DHX34: variants seen among roughly 807,000 people sequenced by gnomAD.
The protein encoded by DHX34 is DExH-box helicase 34, also known as probable ATP-dependent RNA helicase DHX34.
A neutral mutation model predicts 111.1 loss-of-function variants in DHX34; 96 were observed. That is an observed-to-expected ratio of 0.86 (90% confidence interval 0.73 to 1.02). DHX34 has a LOEUF of 1.02. Among genes scored for constraint, DHX34 ranks in the 50% least tolerant of loss-of-function variants. DHX34 has a pLI of 0.00. For missense variants in DHX34, 1,560 were observed against 1,579.9 expected (o/e 0.99, Z 0.21); for synonymous variants, 688 against 670.4 (o/e 1.03, Z -0.41).
At chr19:47,376,241 C>A in intron 11 of DHX34, 144 bp downstream of exon 11, 1 of 1,428,136 alleles carries the variant, frequency 7.0e-7, no homozygotes, top group Non-Finnish European at 9.2e-7. Context: ...AGGACAGACC[C>A]ATCCCCAGAC....
chr19:47,352,710 A>G (rs1969322912), intron 1 of DHX34, 44 bp from the exon 2 acceptor site: 1 of 297,344 alleles, frequency 3.4e-6, no homozygotes, highest in South Asian at 7.1e-5. Flanking sequence ...AAAAAAAGCA[A>G]TGTTCCCAAA....
chr19:47,355,225 C>A lies in DHX34; in HGVS notation c.892C>A (p.Leu298Met), dbSNP rs147061911. The A allele has an allele frequency of 1.2e-6, 2 of 1,614,090 alleles. No individual in the cohort carries two copies. Among genetic ancestry groups the A allele is most frequent in the African/African-American group, 2.7e-5 (2 of 74,930 alleles). ...TTTCCTCCTGGGCGTCCTCCAGCGCCTGTTGCCCACGCGGCCTGACCTCAA... is the reference window on the plus strand; with the variant it reads ...TTTCCTCCTGGGCGTCCTCCAGCGCATGTTGCCCACGCGGCCTGACCTCAA... The part of the protein sequence containing the change: ...NDFLLGVLQR[L>M]LPTRPDLKVI... The change falls in exon 3 of 17, where the codon CTG (leucine) becomes ATG (methionine). Residue 298 changes from leucine (L) to methionine (M), a missense_variant. Leu to Met is a conservative substitution (Grantham distance 15). Transcript: ENST00000328771.
rs755902975 is a variant in DHX34 at position 47,362,598 on chromosome 19, T to C, written c.1498T>C (p.Cys500Arg). Reference protein sequence around the residue: ...GRAGRTGPGVCFRLYAESDYD... With the variant: ...GRAGRTGPGVRFRLYAESDYD... ...GGCGGGCCGCACGGGCCCCGGAGTC[T>C]GCTTCCGCCTCTATGCCGAATCGGA... The change falls in exon 6 of 17, where the codon TGC becomes CGC. Residue 500 changes from cysteine (C) to arginine (R), a missense_variant. Transcript: ENST00000328771. The C allele has an allele frequency of 1.9e-6, 3 of 1,613,824 alleles. No individual in the cohort carries two copies. Among genetic ancestry groups the C allele is most frequent in the Non-Finnish European group, 8.5e-7 (1 of 1,180,004 alleles).
intron 11 of DHX34, 121 bp downstream of exon 11, chr19:47,376,218 A>G: frequency 1.4e-6 from 2 of 1,446,630 alleles, no homozygotes; most frequent in Non-Finnish European, 1.8e-6. Context: ...CATGGGGCTC[A>G]CAACCCAGTG....
Position 47,381,254 on chromosome 19 carries a change from G to T in DHX34, c.3228G>T (p.Ala1076=), listed in dbSNP as rs745592252. ...FWTCPHCGLH[A]PLTPLERIAH... ...CCTGCCCCCACTGTGGCCTGCATGC[G>T]CCCCTCACGCCCCTGGAGCGCATCG... The change falls in exon 16 of 17, where the codon GCG becomes GCT. Residue 1076 remains alanine, a synonymous_variant. Transcript: ENST00000328771. 3 of 1,614,052 alleles carry T rather than the reference G, an allele frequency of 1.9e-6. No homozygotes were observed. Among genetic ancestry groups the T allele is most frequent in the South Asian group, 2.2e-5 (2 of 91,088 alleles).
chr19:47,367,035 C>G lies in DHX34; in HGVS notation c.1648C>G (p.Pro550Ala). 6.2e-7 allele frequency: 1 copy of G among 1,604,524 alleles called. No homozygotes were observed. Among genetic ancestry groups the G allele is most frequent in the Non-Finnish European group, 8.5e-7 (1 of 1,175,052 alleles). The change falls in exon 7 of 17, where the codon CCA (proline) becomes GCA (alanine). Residue 550 changes from proline (P) to alanine (A), a missense_variant. Coordinates refer to ENST00000328771, the MANE Select transcript of DHX34 (RefSeq NM_014681.6). ...PRTFPFIEPP[P>A]PASLETAILY... is the part of the protein sequence containing the mutation. ...AACCTTCCCCTTCATCGAGCCCCCA[C>G]CACCAGCCAGCCTGGAAACCGCCAT... is the stretch of plus-strand genomic sequence containing the variant.
intron 9 of DHX34, 67 bp from the exon 10 acceptor site, chr19:47,375,399 C>T: frequency 1.4e-6 from 2 of 1,474,202 alleles, no homozygotes; most frequent in South Asian, 1.4e-5. Flanking sequence ...GGAGGGTCCC[C>T]ATTTCCATGA....
chr19:47,357,844 A>C (rs775436190), intron 3 of DHX34, 22 bp from the exon 4 acceptor site: 4 of 1,604,034 alleles, frequency 2.5e-6, no homozygotes, highest in East Asian at 2.2e-5. Context: ...GTGTGCTTCT[A>C]CCTGGGGCTG....
Position 47,355,090 on chromosome 19 carries a change from G to A in DHX34, c.757G>A (p.Val253Ile). The A allele has an allele frequency of 6.2e-7, 1 of 1,614,000 alleles. No individual in the cohort carries two copies. Among genetic ancestry groups the A allele is most frequent in the Non-Finnish European group, 8.5e-7 (1 of 1,179,994 alleles). ...ESTRSAATKI[V>I]FLTVGLLLRQ... ...CACACGTTCGGCGGCCACCAAGATT[G>A]TATTCCTGACAGTGGGGCTGCTCCT... Residue 253 changes from valine (V) to isoleucine (I), a missense_variant, in exon 3 of 17, where the codon GTA becomes ATA. Coordinates refer to ENST00000328771, the MANE Select transcript of DHX34 (RefSeq NM_014681.6).
intron 6 of DHX34, among the ~76,000 whole-genome samples, chr19:47,363,711 G>A (rs1476878865): frequency 1.3e-5 from 2 of 151,704 alleles, no homozygotes; most frequent in African/African-American, 4.8e-5. Flanking sequence ...CCGGCTATTT[G>A]GGAGGCTGAG....
chr19:47,373,761 C>T, intron 9 of DHX34, 61 bp downstream of exon 9: 3 of 1,561,158 alleles, frequency 1.9e-6, no homozygotes, highest in Non-Finnish European at 2.6e-6. Flanking sequence ...TAAGCACACT[C>T]CAGAACACTG....
At chr19:47,377,388 A>C (rs1323336160) in intron 13 of DHX34, among the ~76,000 whole-genome samples, 182 bp downstream of exon 13, 1 of 152,172 alleles carries the variant, frequency 6.6e-6, no homozygotes, top group Non-Finnish European at 1.5e-5. Context: ...CTCAACAGTT[A>C]ACCTGCCAAG....
intron 6 of DHX34, among the ~76,000 whole-genome samples, chr19:47,366,079 T>A (rs149036221): frequency 6.6e-6 from 1 of 152,202 alleles, no homozygotes; most frequent in African/African-American, 2.4e-5. Flanking sequence ...TAGCCTTCCA[T>A]CCTGGCCACA....
At chr19:47,376,387 C>T (rs1599774292) in intron 11 of DHX34, 56 bp from the exon 12 acceptor site, 2 of 1,571,890 alleles carry the variant, frequency 1.3e-6, no homozygotes, top group Non-Finnish European at 1.7e-6. Flanking sequence ...GAGAGGCATC[C>T]TGGGCAGAGG....
At chr19:47,364,548 C>T (rs1969733298) in intron 6 of DHX34, among the ~76,000 whole-genome samples, 1 of 151,928 alleles carries the variant, frequency 6.6e-6, no homozygotes, top group Admixed American at 6.6e-5. Context: ...TCGAGACCAG[C>T]CTAGGCAACA....
rs201313824 is a variant in DHX34, at chr19:47,372,687, G to C, written c.1769-43G>C. On this transcript the variant is annotated intron_variant, in intron 7 of 16. Coordinates refer to ENST00000328771, the MANE Select transcript of DHX34 (RefSeq NM_014681.6). ...GCCCCGAGGGGTGAGGGCTGCGCCTGTCCTGGCACCCAGGAGCCTCAACCC... is the reference window on the plus strand; with the variant it reads ...GCCCCGAGGGGTGAGGGCTGCGCCTCTCCTGGCACCCAGGAGCCTCAACCC... 8.4e-5 allele frequency: 129 copies of C among 1,534,696 alleles called. No individual in the cohort carries two copies. In the African/African-American group the frequency reaches 1.7e-3, roughly 20 times the overall value.
At chr19:47,368,434 G>C (rs901325137) in intron 7 of DHX34, among the ~76,000 whole-genome samples, 2 of 147,778 alleles carry the variant, frequency 1.4e-5, no homozygotes, top group African/African-American at 5.0e-5. Flanking sequence ...AGCCTCCCGA[G>C]TAGCTGGGAT....
intron 5 of DHX34, 149 bp from the exon 6 acceptor site, chr19:47,362,327 G>T: frequency 7.5e-4 from 443 of 588,426 alleles, no homozygotes; most frequent in Non-Finnish European, 9.1e-4. Context: ...TGAACAAAAT[G>T]TCAGAGTTGG....
At position 47,382,134 on chromosome 19, in the gene DHX34, C is replaced by T. The variant is rs376622929; in HGVS notation, c.*21C>T. ...TGTGAGCTGGGCCAGGAGCCCTGCCCACCTCCGTGCAGCTGACCTGCCCTC... is the reference window on the plus strand; with the variant it reads ...TGTGAGCTGGGCCAGGAGCCCTGCCTACCTCCGTGCAGCTGACCTGCCCTC... On this transcript the variant is annotated 3_prime_UTR_variant, in exon 17 of 17. Coordinates refer to ENST00000328771, the MANE Select transcript of DHX34 (RefSeq NM_014681.6). 1.3e-5 allele frequency: 21 copies of T among 1,612,466 alleles called. No individual in the cohort carries two copies. Among genetic ancestry groups the T allele is most frequent in the Non-Finnish European group, 1.8e-5 (21 of 1,179,372 alleles).
Sources: allele counts gnomAD v4.1 joint callset (sites outside exome capture counted in the v4.1 genomes callset), GRCh38; gene constraint gnomAD v4.1.1; transcripts MANE v1.5; gene names NCBI Gene and HGNC (gene_info 2026-07-23, HGNC 2026-07-21).